Variants in MCOLN3 observed in about 807,000 individuals in gnomAD.
MCOLN3 encodes mucolipin TRP cation channel 3.
MCOLN3 carries 62 observed loss-of-function variants against 69.4 expected under a neutral mutation model. That is an observed-to-expected ratio of 0.89 (90% confidence interval 0.73 to 1.10). The LOEUF is 1.10. Ranked by LOEUF, MCOLN3 falls within the 50% of genes least tolerant of loss-of-function variation. The pLI, the probability that MCOLN3 is intolerant of heterozygous loss-of-function variation, is 0.00. For missense variants in MCOLN3, 564 were observed against 656.4 expected, an observed-to-expected ratio of 0.86 and a Z score of 1.54; for synonymous variants, 183 against 217.0, an observed-to-expected ratio of 0.84 and a Z score of 1.38.
At chr1:85,039,152 G>A (rs958285343) in intron 3 of MCOLN3, among the ~76,000 whole-genome samples, 4 of 152,026 alleles carry the variant, frequency 2.6e-5, no homozygotes, top group African/African-American at 9.7e-5. Context: ...TTTATCTTCA[G>A]CTAAAAGTAC....
In MCOLN3 at chr1:85,021,211, G is replaced by A; in HGVS notation, c.1386C>T (p.Ala462=). 1 of 1,613,856 alleles carries A rather than the reference G, an allele frequency of 6.2e-7. No individual in the cohort carries two copies. The highest frequency in any genetic ancestry group is 8.5e-7 in the Non-Finnish European group (1 of 1,179,876). ...FSLINGDDMF[A]TFAKMQQKSY... ...TTTTTTGCTGCATTTTTGCAAACGT[G>A]GCAAACATATCATCTCCATTTATCA... The change falls in exon 12 of 13, where the codon GCC becomes GCT. Residue 462 remains alanine, a synonymous_variant. Coordinates refer to ENST00000370589, the MANE Select transcript of MCOLN3 (RefSeq NM_018298.11).
intron 11 of MCOLN3, 42 bp downstream of exon 11, chr1:85,022,028 T>C (rs1182268637): frequency 6.3e-7 from 1 of 1,591,250 alleles, no homozygotes; most frequent in South Asian, 1.1e-5. Context: ...GGCACTATGC[T>C]AAAAGCTTAA....
Position 85,034,192 on chromosome 1 carries a change from C to G in MCOLN3, c.456G>C (p.Lys152Asn). ...GCTGACAGATTGCCATAGCAGATTG[C>G]TTGGTACCTTTGTTCTCATAAGCAT... is the stretch of plus-strand genomic sequence containing the variant. ...GNHAYENKGTKQSAMAICQHF... is the reference protein window; with the variant it reads ...GNHAYENKGTNQSAMAICQHF... Residue 152 changes from lysine to asparagine, a missense_variant, in exon 4 of 13, where the codon AAG becomes AAC. Transcript: ENST00000370589. 1 of 1,614,164 alleles carries G rather than the reference C, an allele frequency of 6.2e-7. No homozygotes were observed. Among genetic ancestry groups the G allele is most frequent in the Non-Finnish European group, 8.5e-7 (1 of 1,180,006 alleles).
In MCOLN3 at chr1:85,031,442, C is replaced by T. The variant is rs150624155; in HGVS notation, c.732+1254G>A. ...AAATATTTGAGGTGGTGAATGTTGTCCCAATTACCCTTATTTCATCATTAC... is the reference window on the plus strand; with the variant it reads ...AAATATTTGAGGTGGTGAATGTTGTTCCAATTACCCTTATTTCATCATTAC... On this transcript the variant is annotated intron_variant, in intron 6 of 12. Transcript: ENST00000370589. Among the ~76,000 whole-genome samples, 11 of 152,104 alleles carry T rather than the reference C, an allele frequency of 7.2e-5. No homozygotes were observed. The East Asian group carries it at 2.1e-3, about 29-fold the overall frequency.
At chr1:85,048,059 G>A (rs1380023255) in intron 1 of MCOLN3, among the ~76,000 whole-genome samples, 3 of 152,244 alleles carry the variant, frequency 2.0e-5, no homozygotes, top group Non-Finnish European at 4.4e-5. Flanking sequence ...AGGGGCTCCG[G>A]GCGGGGGTGG....
chr1:85,022,166 C>T lies in MCOLN3; in HGVS notation c.1224G>A (p.Ala408=), dbSNP rs148052305. Residue 408 remains alanine, a synonymous_variant, in exon 11 of 13, where the codon GCG becomes GCA. Coordinates refer to ENST00000370589, the MANE Select transcript of MCOLN3 (RefSeq NM_018298.11). The part of the protein sequence containing the change: ...YNLLILTLQA[A]LPNVIRFCCC... ...AGCAGAACCTGATGACATTGGGCAGCGCTGCCTGAAGGGTCAAAATGAGGA... is the reference window on the plus strand; with the variant it reads ...AGCAGAACCTGATGACATTGGGCAGTGCTGCCTGAAGGGTCAAAATGAGGA... The T allele has an allele frequency of 1.3e-3, 2,172 of 1,614,078 alleles. 2 individuals are homozygous for T. The highest frequency in any genetic ancestry group is 1.6e-3 in the Non-Finnish European group (1,870 of 1,179,976).
chr1:85,045,760 T>A (rs1485971521), intron 1 of MCOLN3, among the ~76,000 whole-genome samples: 1 of 152,250 alleles, frequency 6.6e-6, no homozygotes, highest in East Asian at 1.9e-4. Context: ...AACTTTCATA[T>A]ATGTGGCTGT....
intron 6 of MCOLN3, among the ~76,000 whole-genome samples, chr1:85,031,688 A>G (rs1348709984): frequency 6.6e-6 from 1 of 152,220 alleles, no homozygotes; most frequent in Non-Finnish European, 1.5e-5. Context: ...CTACACACAG[A>G]ATGAAGCACA....
At chr1:85,029,496 G>A (rs1219463615) in intron 6 of MCOLN3, 1 of 236,462 alleles carries the variant, frequency 4.2e-6, no homozygotes. Flanking sequence ...CTTGCTCTCT[G>A]TTCTAAGTAC....
chr1:85,037,738 A>G (rs1652864555), intron 3 of MCOLN3, among the ~76,000 whole-genome samples: 1 of 152,222 alleles, frequency 6.6e-6, no homozygotes, highest in Non-Finnish European at 1.5e-5. Flanking sequence ...ACAGAGGGTT[A>G]CGGGACAGAA....
intron 7 of MCOLN3, among the ~76,000 whole-genome samples, chr1:85,026,790 C>A (rs1372619426): frequency 6.0e-5 from 9 of 150,300 alleles, no homozygotes; most frequent in African/African-American, 2.2e-4. Context: ...CCACAACTAT[C>A]ATTCCAAGAT....
rs759936775 is a variant in MCOLN3 at position 85,026,207 on chromosome 1, T to C, written c.910A>G (p.Ile304Val). Residue 304 changes from isoleucine to valine, a missense_variant, in exon 8 of 13, where the codon ATT becomes GTT. Ile to Val is a conservative substitution (Grantham distance 29). Transcript: ENST00000370589. ...LTCLVSLILCIRSVIRGLQLQ... is the reference protein window; with the variant it reads ...LTCLVSLILCVRSVIRGLQLQ... ...TGAAGTCCTCTAATCACAGATCTAA[T>C]GCAGAGGATTAATGAAACCAAGCAA... The C allele has an allele frequency of 2.5e-6, 4 of 1,614,090 alleles. No individual in the cohort carries two copies. Among genetic ancestry groups the C allele is most frequent in the Non-Finnish European group, 8.5e-7 (1 of 1,179,966 alleles).
At chr1:85,021,718 G>T (rs543455910) in intron 11 of MCOLN3, among the ~76,000 whole-genome samples, 196 of 144,604 alleles carry the variant, frequency 1.4e-3, no homozygotes, top group Admixed American at 3.7e-3. Flanking sequence ...ATTTCTACAA[G>T]TTTCCCCCTA....
In MCOLN3 at chr1:85,021,082, G is replaced by A. The variant is rs12123273; in HGVS notation, c.1515C>T (p.Tyr505=). Residue 505 remains tyrosine, a synonymous_variant, in exon 12 of 13, where the codon TAC becomes TAT. Transcript: ENST00000370589. ...SLFIALITDT[Y]ETIKQYQQDG... The stretch of plus-strand genomic sequence containing the variant: ...TTGATAAACCTACCTTAATTGTTTC[G>A]TATGTATCAGTGATCAGTGCAATGA... 6.5e-3 allele frequency: 10,437 copies of A among 1,606,470 alleles called. 45 individuals carry two copies. The highest frequency in any genetic ancestry group is 7.9e-3 in the Non-Finnish European group (9,342 of 1,176,048).
In MCOLN3 at chr1:85,041,149, A is replaced by T. The variant is rs746111845; in HGVS notation, c.257T>A (p.Met86Lys). 8.7e-6 allele frequency: 14 copies of T among 1,613,728 alleles called. No individual in the cohort carries two copies. Among genetic ancestry groups the T allele is most frequent in the African/African-American group, 1.3e-5 (1 of 74,926 alleles). Reference sequence around the variant, plus strand: ...ATTCTCTTCCTTGAAAGCTACCACCATCTGGTTACTTAGCCCAAATAAGAC... The same window carrying T: ...ATTCTCTTCCTTGAAAGCTACCACCTTCTGGTTACTTAGCCCAAATAAGAC... ...QLVLFGLSNQ[M>K]VVAFKEENTI... is the part of the protein sequence containing the mutation. The change falls in exon 3 of 13, where the codon ATG becomes AAG. Residue 86 changes from methionine (M) to lysine (K), a missense_variant. Met to Lys is a moderately conservative substitution (Grantham distance 95). Coordinates refer to ENST00000370589, the MANE Select transcript of MCOLN3 (RefSeq NM_018298.11).
chr1:85,034,306 G>T, intron 3 of MCOLN3, 55 bp from the exon 4 acceptor site: 1 of 1,586,814 alleles, frequency 6.3e-7, no homozygotes, highest in Non-Finnish European at 8.6e-7. Flanking sequence ...CAGGAGTGAA[G>T]CCATAACTCC....
At chr1:85,042,971 A>G (rs1437943346) in intron 2 of MCOLN3, among the ~76,000 whole-genome samples, 1 of 152,232 alleles carries the variant, frequency 6.6e-6, no homozygotes, top group African/African-American at 2.4e-5. Context: ...CACCTTTTAC[A>G]TGCTTATTAC....
At chr1:85,034,624 T>C (rs1209045048) in intron 3 of MCOLN3, among the ~76,000 whole-genome samples, 1 of 152,276 alleles carries the variant, frequency 6.6e-6, no homozygotes, top group Non-Finnish European at 1.5e-5. Flanking sequence ...GTCAGAGTTC[T>C]ACTTTAACAC....
chr1:85,039,833 C>T (rs1449579283), intron 3 of MCOLN3, among the ~76,000 whole-genome samples: 1 of 151,584 alleles, frequency 6.6e-6, no homozygotes, highest in African/African-American at 2.4e-5. Flanking sequence ...TGCCTGTGGC[C>T]CCAGCTGCTT....
Sources: gnomAD v4.1 joint callset for allele counts (sites outside exome capture counted in the v4.1 genomes callset) on GRCh38, gnomAD v4.1.1 for gene constraint, MANE v1.5 for transcripts, NCBI Gene and HGNC (gene_info 2026-07-23, HGNC 2026-07-21) for gene names.